MCTP2: variants seen among roughly 807,000 people sequenced by gnomAD.
MCTP2 encodes multiple C2 and transmembrane domain-containing protein 2.
In MCTP2, 132 loss-of-function variants were observed where a neutral mutation model predicts 111.6. The ratio of observed to expected loss-of-function variants is 1.18; its 90% CI spans 1.03 to 1.37. MCTP2 has a LOEUF of 1.37. MCTP2 is among the 40% of genes most tolerant of loss of function. MCTP2 has a pLI of 0.00. For synonymous variants in MCTP2, 395 were observed against 387.7 expected (o/e 1.02, Z -0.22); for missense variants, 1,183 against 1,067.9 (o/e 1.11, Z -1.50).
intron 17 of MCTP2, among the ~76,000 whole-genome samples, chr15:94,419,235 A>G (rs776074694): frequency 1.3e-4 from 20 of 152,172 alleles, no homozygotes; most frequent in South Asian, 8.3e-4. Context: ...ACCAAGTCTG[A>G]TATTCCCCTA....
chr15:94,270,397 T>C (rs1016870839), intron 1 of MCTP2, among the ~76,000 whole-genome samples: 2 of 152,308 alleles, frequency 1.3e-5, no homozygotes, highest in Middle Eastern at 3.4e-3. Flanking sequence ...CAGGACCAGA[T>C]GCTTAGTAGG....
intron 14 of MCTP2, among the ~76,000 whole-genome samples, chr15:94,386,168 A>G (rs974005946): frequency 1.3e-5 from 2 of 152,108 alleles, no homozygotes; most frequent in African/African-American, 4.8e-5. Flanking sequence ...ATGCCTTTAC[A>G]TGGGTCGGGG....
intron 21 of MCTP2, 48 bp from the exon 22 acceptor site, chr15:94,476,648 A>T: frequency 1.1e-6 from 1 of 905,438 alleles, no homozygotes; most frequent in Non-Finnish European, 1.8e-6. Flanking sequence ...AGATAGATAG[A>T]TAGACAGACA....
intron 19 of MCTP2, among the ~76,000 whole-genome samples, chr15:94,457,737 A>G (rs1326950553): frequency 1.3e-5 from 2 of 152,256 alleles, no homozygotes; most frequent in African/African-American, 2.4e-5. Context: ...TGCCAGGAAC[A>G]TCTCTGAAGA....
intron 10 of MCTP2, among the ~76,000 whole-genome samples, chr15:94,364,132 G>T (rs1445547038): frequency 1.3e-5 from 2 of 151,782 alleles, no homozygotes; most frequent in East Asian, 3.9e-4. Context: ...TCAGGGGTCA[G>T]CAAACCAGGG....
At chr15:94,467,983 G>A (rs1192253677) in intron 20 of MCTP2, among the ~76,000 whole-genome samples, 1 of 152,166 alleles carries the variant, frequency 6.6e-6, no homozygotes, top group Non-Finnish European at 1.5e-5. Flanking sequence ...TGGATGAGGG[G>A]AGGGCTTTGG....
intron 21 of MCTP2, among the ~76,000 whole-genome samples, chr15:94,471,240 C>T (rs1471165746): frequency 2.0e-5 from 3 of 152,144 alleles, no homozygotes; most frequent in Non-Finnish European, 4.4e-5. Flanking sequence ...CCTGGTTTTC[C>T]ATGACTTAGC....
chr15:94,343,815 T>G (rs902922412), intron 7 of MCTP2: 7 of 152,174 alleles, frequency 4.6e-5, no homozygotes, highest in African/African-American at 1.7e-4. Context: ...AGATTGAAAT[T>G]ATCAAATATG....
At position 94,271,978 on chromosome 15, in the gene MCTP2, G is replaced by A. The variant is rs548109577; in HGVS notation, c.-65-26223G>A. Among the ~76,000 whole-genome samples the A allele has an allele frequency of 9.2e-5, 14 of 152,230 alleles. No individual in the cohort carries two copies. The South Asian group carries it at 1.0e-3, about 11-fold the overall frequency. The stretch of plus-strand genomic sequence containing the variant: ...CTTTGCCTCCTACTATCCTTATTCC[G>A]GTGATGTTCTAAAGATAGTTCAGGT... On this transcript the variant is annotated intron_variant, in intron 1 of 22. Coordinates refer to ENST00000357742, the MANE Select transcript of MCTP2 (RefSeq NM_001385001.1).
At chr15:94,251,388 C>T (rs890426170) in intron 1 of MCTP2, among the ~76,000 whole-genome samples, 3 of 149,672 alleles carry the variant, frequency 2.0e-5, no homozygotes, top group East Asian at 3.9e-4. Context: ...GACGGAGTTT[C>T]GCTCTTGTTG....
At chr15:94,347,884 T>A (rs551408477) in intron 8 of MCTP2, among the ~76,000 whole-genome samples, 18 of 141,834 alleles carry the variant, frequency 1.3e-4, no homozygotes, top group African/African-American at 4.4e-4. Context: ...TCTCTCTCTC[T>A]CACACACACA....
At chr15:94,361,084 GTTTTTTTTTTTTTTTTTTTTTT>G (rs67774490) in intron 10 of MCTP2, among the ~76,000 whole-genome samples, 1 of 8,400 alleles carries the variant, frequency 1.2e-4, no homozygotes, top group Non-Finnish European at 2.6e-4. Context: ...AATATTTCAA[GTTTTTTTTTTTTTTTTTTTTTT>G]TTTTTTTTTT....
At chr15:94,245,716 GTA>G (rs34856900) in intron 1 of MCTP2, among the ~76,000 whole-genome samples, 6,010 of 139,526 alleles carry the variant, frequency 0.043, 121 homozygotes, top group Middle Eastern at 0.11. Context: ...GTGTGTGTGT[GTA>G]TATATATATA....
Position 94,470,365 on chromosome 15 carries a change from C to A in MCTP2, c.2393C>A (p.Ser798Tyr), listed in dbSNP as rs369895027. ...AACTGGACGGTCCCCTTCCTTTCAT[C>A]TCTGGCCTGTTTGATTCTGGCAGCA... is the stretch of plus-strand genomic sequence containing the variant. ...TFNWTVPFLS[S>Y]LACLILAAAT... Residue 798 changes from serine (S) to tyrosine (Y), a missense_variant, in exon 21 of 23, where the codon TCT (serine) becomes TAT (tyrosine). Coordinates refer to ENST00000357742, the MANE Select transcript of MCTP2 (RefSeq NM_001385001.1). 6 of 1,613,690 alleles carry A rather than the reference C, an allele frequency of 3.7e-6. No individual in the cohort carries two copies. In the Admixed American group the frequency reaches 1.0e-4, roughly 27 times the overall value.
At chr15:94,421,430 G>A (rs1369697457) in intron 17 of MCTP2, among the ~76,000 whole-genome samples, 1 of 152,178 alleles carries the variant, frequency 6.6e-6, no homozygotes, top group Non-Finnish European at 1.5e-5. Flanking sequence ...TGACACAAAT[G>A]TATTATCTTA....
chr15:94,375,928 C>T (rs2079747417), intron 12 of MCTP2, among the ~76,000 whole-genome samples: 1 of 152,162 alleles, frequency 6.6e-6, no homozygotes, highest in Admixed American at 6.5e-5. Context: ...TTAAGTATTT[C>T]TCAACTTCAG....
At chr15:94,382,836 C>T (rs766270423) in intron 12 of MCTP2, among the ~76,000 whole-genome samples, 6 of 152,264 alleles carry the variant, frequency 3.9e-5, no homozygotes, top group Non-Finnish European at 8.8e-5. Flanking sequence ...GCCGGCAATG[C>T]GTTAATGTCC....
At chr15:94,284,400 G>A (rs1003556538) in intron 1 of MCTP2, among the ~76,000 whole-genome samples, 1 of 152,132 alleles carries the variant, frequency 6.6e-6, no homozygotes, top group African/African-American at 2.4e-5. Flanking sequence ...TTTTGTAGTG[G>A]TATAATAGAG....
chr15:94,388,026 C>T (rs2080617155), intron 14 of MCTP2, among the ~76,000 whole-genome samples: 1 of 152,060 alleles, frequency 6.6e-6, no homozygotes, highest in Non-Finnish European at 1.5e-5. Flanking sequence ...CAGGAAAGGA[C>T]ACAGAGGTAG....
Sources: gnomAD v4.1 joint callset for allele counts (sites outside exome capture counted in the v4.1 genomes callset) on GRCh38, gnomAD v4.1.1 for gene constraint, MANE v1.5 for transcripts, NCBI Gene and HGNC (gene_info 2026-07-23, HGNC 2026-07-21) for gene names.